Variants in PAK3 observed in about 807,000 individuals in gnomAD.
The protein encoded by PAK3 is serine/threonine-protein kinase PAK 3.
In PAK3, 4 loss-of-function variants were observed where a neutral mutation model predicts 41.0. The observed-to-expected ratio is 0.10, with a 90% CI of 0.05 to 0.22. The LOEUF is 0.22. PAK3 is among the 10% of genes least tolerant of loss of function. The pLI is 1.00. For missense variants in PAK3, 205 were observed against 409.9 expected (o/e 0.50, Z 4.32); for synonymous variants, 146 against 139.6 (o/e 1.05, Z -0.32).
In PAK3 at chrX:111,192,519, A is replaced by T; in HGVS notation, c.893A>T (p.Gln298Leu). 8.8e-7 allele frequency: 1 copy of T among 1,130,875 alleles called. No individual in the cohort carries two copies. Among genetic ancestry groups the T allele is most frequent in the Non-Finnish European group, 1.2e-6 (1 of 821,715 alleles). The allele number at this position is 1,130,875 out of a possible 1,213,427, so 93.2% of individuals were successfully genotyped here. A position where few individuals can be genotyped will look rare whatever the true frequency, so the allele number is the denominator to read the frequency against. Residue 298 changes from glutamine (Q) to leucine (L), a missense_variant, in exon 13 of 18, where the codon CAG becomes CTG. Physicochemically the swap from Gln to Leu is moderately radical, Grantham distance 113 (BLOSUM62 -2). Coordinates refer to ENST00000372007, the MANE Select transcript of PAK3 (RefSeq NM_002578.5). Reference protein sequence around the residue: ...IATGQEVAIKQMNLQQQPKKE... With the variant: ...IATGQEVAIKLMNLQQQPKKE... ...ATTGCCATTCAGGTGGCCATAAAGC[A>T]GATGAACCTTCAACAGCAACCCAAG...
At chrX:111,160,201 A>G (rs2094152713) in intron 8 of PAK3, among the ~76,000 whole-genome samples, 1 of 111,965 alleles carries the variant, frequency 8.9e-6, no homozygotes, top group Non-Finnish European at 1.9e-5. Context: ...CTGTCCAACA[A>G]ATATATAAAC....
intron 11 of PAK3, among the ~76,000 whole-genome samples, chrX:111,178,980 T>TATAGAGAGAG (rs1211051270): frequency 1.2e-4 from 11 of 91,599 alleles, no homozygotes; most frequent in Admixed American, 5.0e-4. Flanking sequence ...TATATATATA[T>TATAGAGAGAG]AGAGAGAGAG....
chrX:111,087,855 T>G (rs760612632), intron 1 of PAK3, among the ~76,000 whole-genome samples: 7 of 108,255 alleles, frequency 6.5e-5, no homozygotes, highest in Non-Finnish European at 9.5e-5. Context: ...GCCTTCTCCT[T>G]GAGAAATTCC....
At chrX:110,957,582 T>C (rs758867517) in intron 1 of PAK3, among the ~76,000 whole-genome samples, 1 of 111,935 alleles carries the variant, frequency 8.9e-6, no homozygotes, top group South Asian at 3.8e-4. Context: ...TTGCTCATTT[T>C]GAATCTTGCA....
At chrX:111,009,251 A>AT (rs1396057747) in intron 1 of PAK3, among the ~76,000 whole-genome samples, 1 of 109,652 alleles carries the variant, frequency 9.1e-6, no homozygotes, top group Non-Finnish European at 1.9e-5. Context: ...CTCCTTCCTC[A>AT]TTTTTTCAAT....
chrX:111,211,859 CATG>C (rs1480072065), intron 16 of PAK3, among the ~76,000 whole-genome samples: 1 of 110,234 alleles, frequency 9.1e-6, no homozygotes, highest in Non-Finnish European at 1.9e-5. Context: ...AAGTGAATGA[CATG>C]ATGAGACCTG....
intron 1 of PAK3, among the ~76,000 whole-genome samples, chrX:111,070,558 G>A (rs1428191137): frequency 8.9e-6 from 1 of 111,966 alleles, no homozygotes; most frequent in South Asian, 3.7e-4. Flanking sequence ...TATCTGAAAC[G>A]AAGGGTAAGG....
At chrX:111,193,324 A>T (rs1456327863) in intron 13 of PAK3, among the ~76,000 whole-genome samples, 1 of 108,849 alleles carries the variant, frequency 9.2e-6, no homozygotes. Context: ...CTGGGAGGAA[A>T]AAAGAGGGTT....
chrX:111,118,152 T>C (rs1294118073), intron 4 of PAK3, among the ~76,000 whole-genome samples: 1 of 112,446 alleles, frequency 8.9e-6, no homozygotes, highest in Admixed American at 9.4e-5. Context: ...ATTGTCTCCT[T>C]TGTGGAAGGC....
Position 111,163,624 on chromosome X carries a change from A to C in PAK3, c.663A>C (p.Thr221=). ...CAGCAGTACCAAATAAAGAGGTCACACCACCCTCTGCTGAAAATGCCAATT... is the reference window on the plus strand; with the variant it reads ...CAGCAGTACCAAATAAAGAGGTCACCCCACCCTCTGCTGAAAATGCCAATT... ...ASPAVPNKEV[T]PPSAENANSS... Residue 221 remains threonine (T), a synonymous_variant, in exon 10 of 18, where the codon ACA becomes ACC. Coordinates refer to ENST00000372007, the MANE Select transcript of PAK3 (RefSeq NM_002578.5). The C allele has an allele frequency of 8.4e-7, 1 of 1,192,890 alleles. No individual in the cohort carries two copies. The highest frequency in any genetic ancestry group is 1.8e-5 in the South Asian group (1 of 56,596).
At chrX:111,158,497 A>G (rs980649142) in intron 8 of PAK3, among the ~76,000 whole-genome samples, 2 of 111,764 alleles carry the variant, frequency 1.8e-5, no homozygotes, top group Non-Finnish European at 3.8e-5. Context: ...TTTTTAACTC[A>G]GGGACAGAAA....
At position 111,222,017 on chromosome X, in the gene PAK3, G is replaced by A. The variant is rs1209251375; in HGVS notation, c.*1570G>A. ...CTTCTGAGAGTAGAAAAATATCTGC[G>A]GAGTGTCTGTGTAGAAAAGGATATG... On this transcript the variant is annotated 3_prime_UTR_variant, in exon 18 of 18. Transcript: ENST00000372007. The A allele has an allele frequency of 4.5e-5, 5 of 111,770 alleles. No homozygotes were observed. The highest frequency in any genetic ancestry group is 9.7e-5 in the African/African-American group (3 of 30,824). The allele number at this position is 111,770 out of a possible 1,213,427, so 9.2% of individuals were successfully genotyped here. A position where few individuals can be genotyped will look rare whatever the true frequency, so the allele number is the denominator to read the frequency against.
intron 1 of PAK3, among the ~76,000 whole-genome samples, chrX:111,033,205 G>A (rs774240512): frequency 9.0e-6 from 1 of 111,111 alleles, no homozygotes; most frequent in African/African-American, 3.3e-5. Flanking sequence ...AAACAGCTGT[G>A]ACGAACCAAA....
chrX:111,120,594 C>T (rs1486153470), intron 4 of PAK3, among the ~76,000 whole-genome samples: 4 of 111,597 alleles, frequency 3.6e-5, no homozygotes, highest in African/African-American at 1.3e-4. Flanking sequence ...TTAAAGAGGT[C>T]GTGTGGCGTG....
At chrX:111,078,288 A>G (rs1293873349) in intron 1 of PAK3, among the ~76,000 whole-genome samples, 2 of 108,357 alleles carry the variant, frequency 1.8e-5, no homozygotes, top group East Asian at 5.7e-4. Flanking sequence ...TTTTTTTACA[A>G]ATTGAAGGTT....
intron 1 of PAK3, among the ~76,000 whole-genome samples, chrX:111,032,560 T>C (rs932001912): frequency 9.0e-5 from 10 of 111,726 alleles, no homozygotes; most frequent in Non-Finnish European, 1.9e-4. Flanking sequence ...TATGTACTTG[T>C]TTAGATCAAA....
intron 10 of PAK3, among the ~76,000 whole-genome samples, chrX:111,170,072 G>C (rs1413019041): frequency 9.0e-6 from 1 of 110,929 alleles, no homozygotes; most frequent in Non-Finnish European, 1.9e-5. Context: ...GGAGGCTGTT[G>C]GAATAACCCA....
chrX:111,047,002 T>C (rs2092505605), intron 1 of PAK3, among the ~76,000 whole-genome samples: 1 of 111,861 alleles, frequency 8.9e-6, no homozygotes, highest in Admixed American at 9.5e-5. Flanking sequence ...GGGAGCTCAG[T>C]ACTCCCAGTG....
chrX:111,204,880 T>G (rs1569465318), intron 16 of PAK3, among the ~76,000 whole-genome samples: 1 of 83,971 alleles, frequency 1.2e-5, no homozygotes, highest in African/African-American at 7.0e-5. Flanking sequence ...TTTGCTTTGT[T>G]TTTTTTTTTT....
Sources: gnomAD v4.1 joint callset for allele counts (sites outside exome capture counted in the v4.1 genomes callset) on GRCh38, gnomAD v4.1.1 for gene constraint, MANE v1.5 for transcripts, NCBI Gene and HGNC (gene_info 2026-07-23, HGNC 2026-07-21) for gene names.